TIPRL: variants seen among roughly 807,000 people sequenced by gnomAD.
TIPRL encodes TOR signaling pathway regulator, also known as TIP41-like protein.
TIPRL carries 10 observed loss-of-function variants against 32.3 expected under a neutral mutation model. That is an observed-to-expected ratio of 0.31 (90% CI 0.19 to 0.52). The LOEUF (loss-of-function observed/expected upper bound fraction) is 0.52. Among genes scored for constraint, TIPRL ranks in the 20% least tolerant of loss-of-function variants. The pLI is 0.96. For synonymous variants in TIPRL, 100 were observed against 114.0 expected (o/e 0.88, Z 0.78); for missense variants, 250 against 328.1 (o/e 0.76, Z 1.84).
At chr1:168,188,563 ATTAT>A (rs1700056147) in intron 3 of TIPRL, among the ~76,000 whole-genome samples, 2 of 152,072 alleles carry the variant, frequency 1.3e-5, no homozygotes, top group Non-Finnish European at 2.9e-5. Flanking sequence ...TTTTTCTCCA[ATTAT>A]TTAGCCATTA....
rs1199162254 is a variant in TIPRL, at chr1:168,179,082, T to A, written c.5T>A (p.Met2Lys). 3.7e-6 allele frequency: 6 copies of A among 1,613,448 alleles called. No individual in the cohort carries two copies. The highest frequency in any genetic ancestry group is 5.1e-6 in the Non-Finnish European group (6 of 1,179,696). Reference protein sequence around the residue: MMIHGFQSSHRD... With the variant: MKIHGFQSSHRD... Reference sequence around the variant, plus strand: ...TCTGCGGGTCCTGCCTCAGCCATGATGATCCACGGCTTCCAGAGCAGCCAC... The same window carrying A: ...TCTGCGGGTCCTGCCTCAGCCATGAAGATCCACGGCTTCCAGAGCAGCCAC... The change falls in exon 1 of 7, where the codon ATG (methionine) becomes AAG (lysine). Residue 2 changes from methionine to lysine, a missense_variant. Coordinates refer to ENST00000367833, the MANE Select transcript of TIPRL (RefSeq NM_152902.5).
At chr1:168,184,320 C>T (rs1188126417) in intron 2 of TIPRL, among the ~76,000 whole-genome samples, 1 of 152,126 alleles carries the variant, frequency 6.6e-6, no homozygotes, top group Non-Finnish European at 1.5e-5. Context: ...GAGCTATGTA[C>T]GTTTTCGATT....
chr1:168,179,161 G>A lies in TIPRL; in HGVS notation c.84G>A (p.Met28Ile). The change falls in exon 1 of 7, where the codon ATG (methionine) becomes ATA (isoleucine). Residue 28 changes from methionine to isoleucine, a missense_variant. Coordinates refer to ENST00000367833, the MANE Select transcript of TIPRL (RefSeq NM_152902.5). ...TGACGGCGTCCAAGACCCACATCAT[G>A]AAGTCGGCGGATGTGGAGAAGTGAG... ...WKLTASKTHI[M>I]KSADVEKLAD... is the part of the protein sequence containing the mutation. The A allele has an allele frequency of 6.8e-6, 11 of 1,614,064 alleles. No homozygotes were observed. Among genetic ancestry groups the A allele is most frequent in the Non-Finnish European group, 9.3e-6 (11 of 1,179,958 alleles).
Position 168,200,849 on chromosome 1 carries a change from G to T in TIPRL, c.*803G>T, listed in dbSNP as rs555357870. On this transcript the variant is annotated 3_prime_UTR_variant, in exon 7 of 7. Coordinates refer to ENST00000367833, the MANE Select transcript of TIPRL (RefSeq NM_152902.5). Reference sequence around the variant, plus strand: ...AACCCCTTAAATTTGGTGCTGGTTCGAAAAAGTCTAAAGGGTTTATTAGGG... The same window carrying T: ...AACCCCTTAAATTTGGTGCTGGTTCTAAAAAGTCTAAAGGGTTTATTAGGG... 1 of 152,022 alleles carries T rather than the reference G, an allele frequency of 6.6e-6. No homozygotes were observed. Among genetic ancestry groups the T allele is most frequent in the Non-Finnish European group, 1.5e-5 (1 of 67,986 alleles). The allele number at this position is 152,022 out of a possible 1,614,324, so 9.4% of individuals were successfully genotyped here. A position where few individuals can be genotyped will look rare whatever the true frequency, so the allele number is the denominator to read the frequency against.
At chr1:168,182,072 C>T (rs913939114) in intron 1 of TIPRL, among the ~76,000 whole-genome samples, 11 of 117,020 alleles carry the variant, frequency 9.4e-5, no homozygotes, top group Non-Finnish European at 1.6e-4. Flanking sequence ...CCCCACCCTC[C>T]GCCAAAAAAA....
intron 1 of TIPRL, among the ~76,000 whole-genome samples, chr1:168,183,669 A>G (rs893938475): frequency 1.7e-4 from 26 of 152,240 alleles, no homozygotes; most frequent in African/African-American, 6.0e-4. Flanking sequence ...AAGCTATTAT[A>G]TTACGTATTT....
At chr1:168,179,450 A>G (rs1263717097) in intron 1 of TIPRL, among the ~76,000 whole-genome samples, 1 of 151,446 alleles carries the variant, frequency 6.6e-6, no homozygotes, top group East Asian at 1.9e-4. Flanking sequence ...CCCTCACCAA[A>G]CGTCTCCTCC....
intron 1 of TIPRL, among the ~76,000 whole-genome samples, chr1:168,181,730 C>T (rs946998229): frequency 6.6e-5 from 10 of 151,684 alleles, no homozygotes; most frequent in Non-Finnish European, 1.3e-4. Flanking sequence ...GAATAAAATT[C>T]CATATCTACG....
intron 1 of TIPRL, among the ~76,000 whole-genome samples, chr1:168,181,472 A>G (rs890729685): frequency 6.6e-6 from 1 of 151,628 alleles, no homozygotes; most frequent in Admixed American, 6.6e-5. Context: ...TCGGCCTCCC[A>G]AAGTGCTGGG....
intron 5 of TIPRL, among the ~76,000 whole-genome samples, chr1:168,198,046 C>A (rs1401067429): frequency 2.0e-5 from 3 of 151,972 alleles, no homozygotes; most frequent in Non-Finnish European, 4.4e-5. Context: ...TGTTTATATC[C>A]ATATGGTATA....
intron 4 of TIPRL, among the ~76,000 whole-genome samples, chr1:168,196,085 A>G (rs1323201701): frequency 2.6e-5 from 4 of 152,214 alleles, no homozygotes; most frequent in Non-Finnish European, 4.4e-5. Context: ...GCAATATGTA[A>G]TAGTGCCTAC....
At chr1:168,188,453 A>G (rs943801347) in intron 3 of TIPRL, among the ~76,000 whole-genome samples, 1 of 152,248 alleles carries the variant, frequency 6.6e-6, no homozygotes, top group African/African-American at 2.4e-5. Context: ...GACAATATAT[A>G]AATGAATGGG....
At chr1:168,194,365 C>T (rs191669301) in intron 4 of TIPRL, among the ~76,000 whole-genome samples, 1 of 152,270 alleles carries the variant, frequency 6.6e-6, no homozygotes, top group East Asian at 1.9e-4. Context: ...CACAAATTCC[C>T]AAACGTCCCC....
chr1:168,192,300 C>G, intron 4 of TIPRL: 1 of 1,086,556 alleles, frequency 9.2e-7, no homozygotes. Flanking sequence ...GAGCTGAGAT[C>G]GCACCACTGC....
chr1:168,180,041 T>G (rs1221628916), intron 1 of TIPRL, among the ~76,000 whole-genome samples: 1 of 152,166 alleles, frequency 6.6e-6, no homozygotes, highest in Non-Finnish European at 1.5e-5. Flanking sequence ...GTTTTCAATT[T>G]TATCTGACAA....
At chr1:168,180,389 A>G (rs1158149846) in intron 1 of TIPRL, among the ~76,000 whole-genome samples, 1 of 152,248 alleles carries the variant, frequency 6.6e-6, no homozygotes, top group East Asian at 1.9e-4. Context: ...TTGAAATGTG[A>G]GGTGGGTATA....
intron 3 of TIPRL, among the ~76,000 whole-genome samples, chr1:168,188,472 T>C (rs899564350): frequency 5.3e-5 from 8 of 152,256 alleles, no homozygotes; most frequent in African/African-American, 1.7e-4. Flanking sequence ...GGCATGGCTA[T>C]GCTTTAATAA....
intron 5 of TIPRL, among the ~76,000 whole-genome samples, chr1:168,197,302 G>A (rs903104530): frequency 9.1e-4 from 131 of 144,132 alleles, no homozygotes; most frequent in Non-Finnish European, 1.5e-3. Flanking sequence ...AAAAAAAAAA[G>A]AAACATACCT....
rs543359096 is a variant in TIPRL at position 168,180,801 on chromosome 1, T to C, written c.104+1620T>C. Among the ~76,000 whole-genome samples, 22 of 7,950 alleles carry C rather than the reference T, an allele frequency of 2.8e-3. No homozygotes were observed. The South Asian group carries it at 0.17, about 60-fold the overall frequency. The allele number at this position is 7,950 out of a possible 152,430, so 5.2% of individuals were successfully genotyped here. A position where few individuals can be genotyped will look rare whatever the true frequency, so the allele number is the denominator to read the frequency against. ...TGAGTTTTTCCTCTCTATATCTTTC[T>C]TTTCTTTTTTTTTTATAACTTTTTT... On this transcript the variant is annotated intron_variant, in intron 1 of 6. Coordinates refer to ENST00000367833, the MANE Select transcript of TIPRL (RefSeq NM_152902.5).
Sources: gnomAD v4.1 joint callset for allele counts (sites outside exome capture counted in the v4.1 genomes callset) on GRCh38, gnomAD v4.1.1 for gene constraint, MANE v1.5 for transcripts, NCBI Gene and HGNC (gene_info 2026-07-23, HGNC 2026-07-21) for gene names.